The following PLCE1 variants were observed in gnomAD, a reference collection of about 807,000 sequenced individuals.
PLCE1 encodes the protein phospholipase C epsilon 1, also known as 1-phosphatidylinositol 4,5-bisphosphate phosphodiesterase epsilon-1.
In PLCE1, 119 loss-of-function variants were observed where a neutral mutation model predicts 242.8. The ratio of observed to expected loss-of-function variants is 0.49; its 90% confidence interval spans 0.42 to 0.57. The LOEUF (loss-of-function observed/expected upper bound fraction) is 0.57, where lower values mean the gene tolerates loss of function less well. PLCE1 is among the 20% of genes least tolerant of loss of function. The probability of loss-of-function intolerance (pLI) is 0.00; values close to 1 mark genes in which losing one functional copy is unlikely to be tolerated. For synonymous variants in PLCE1, 945 were observed against 1,017.4 expected, an observed-to-expected ratio of 0.93 and a Z score of 1.35; for missense variants, 2,441 against 2,788.8, an observed-to-expected ratio of 0.88 and a Z score of 2.81.
At chr10:94,040,501 T>C (rs943790138) in intron 2 of PLCE1, among the ~76,000 whole-genome samples, 1 of 152,204 alleles carries the variant, frequency 6.6e-6, no homozygotes, top group Non-Finnish European at 1.5e-5. Context: ...ATCACAATAA[T>C]GCACTCCGTT....
intron 18 of PLCE1, among the ~76,000 whole-genome samples, chr10:94,271,306 CTTTTTTTTT>C (rs35048796): frequency 2.7e-5 from 2 of 73,264 alleles, no homozygotes; most frequent in Admixed American, 3.1e-4. Flanking sequence ...AGAAGATCAT[CTTTTTTTTT>C]TTTTTTTTTT....
At position 94,273,487 on chromosome 10, in the gene PLCE1, G is replaced by A. The variant is rs139606947; in HGVS notation, c.4507-75G>A. 5.4e-3 allele frequency: 7,212 copies of A among 1,347,762 alleles called. 30 individuals are homozygous for A. The highest frequency in any genetic ancestry group is 6.8e-3 in the Non-Finnish European group (6,501 of 949,896). 83.5% of individuals were successfully genotyped at this position (1,347,762 alleles called of 1,614,324 possible). ...TCAACCAGTCTAAAATATCTACTAT[G>A]TTTATGAAGTGTACATATATTTATC... On this transcript the variant is annotated intron_variant, in intron 18 of 32. Coordinates refer to ENST00000371380, the MANE Select transcript of PLCE1 (RefSeq NM_016341.4).
At chr10:94,192,595 G>C (rs770468088) in intron 4 of PLCE1, among the ~76,000 whole-genome samples, 20 of 152,160 alleles carry the variant, frequency 1.3e-4, no homozygotes, top group Non-Finnish European at 1.9e-4. Flanking sequence ...TGGGCACCTA[G>C]CTTGATTCCA....
At chr10:94,279,565 T>G in intron 19 of PLCE1, 2 of 585,660 alleles carry the variant, frequency 3.4e-6, no homozygotes, top group Non-Finnish European at 6.1e-6. Flanking sequence ...AGATTGTTTA[T>G]AAAAGCTCCA....
intron 6 of PLCE1, among the ~76,000 whole-genome samples, chr10:94,235,144 C>A (rs1475690084): frequency 2.0e-5 from 3 of 150,972 alleles, no homozygotes; most frequent in Non-Finnish European, 4.4e-5. Context: ...AGACTCTCCT[C>A]AACCTTCAGC....
rs777745144 is a variant in PLCE1, at chr10:94,234,219, G to T, written c.2121G>T (p.Gly707=). 1.2e-6 allele frequency: 2 copies of T among 1,614,004 alleles called. No individual in the cohort carries two copies. The highest frequency in any genetic ancestry group is 2.7e-5 in the African/African-American group (2 of 74,926). The change falls in exon 6 of 33, where the codon GGG becomes GGT. Residue 707 remains glycine, a synonymous_variant. Transcript: ENST00000371380. ...GCTGTAAGGTGGTTCCATTCTGTGG[G>T]GTGTTTCTGAAGGAGCTCTGTGAAG... ...IPGCKVVPFC[G]VFLKELCEVL... is the part of the protein sequence containing the mutation.
chr10:94,206,943 A>G (rs1245597794), intron 4 of PLCE1, among the ~76,000 whole-genome samples: 1 of 152,348 alleles, frequency 6.6e-6, no homozygotes, highest in East Asian at 1.9e-4. Flanking sequence ...CGTACATACA[A>G]TATGTTTAAA....
At chr10:94,299,028 A>C (rs2052942901) in intron 24 of PLCE1, among the ~76,000 whole-genome samples, 1 of 152,196 alleles carries the variant, frequency 6.6e-6, no homozygotes, top group African/African-American at 2.4e-5. Context: ...CTCACTACGC[A>C]GTTGTTCTTG....
intron 2 of PLCE1, among the ~76,000 whole-genome samples, chr10:94,036,492 G>T (rs1271116958): frequency 6.6e-6 from 1 of 152,080 alleles, no homozygotes; most frequent in East Asian, 1.9e-4. Flanking sequence ...TTGCACAGCT[G>T]TGTAGAGAAG....
chr10:94,100,852 G>T (rs1398396486), intron 2 of PLCE1, among the ~76,000 whole-genome samples: 4 of 152,180 alleles, frequency 2.6e-5, no homozygotes, highest in Admixed American at 6.5e-5. Flanking sequence ...GGGCATACAA[G>T]TTTCTGCAGG....
At chr10:94,263,549 A>T (rs1487474625) in intron 14 of PLCE1, among the ~76,000 whole-genome samples, 1 of 150,478 alleles carries the variant, frequency 6.6e-6, no homozygotes, top group Non-Finnish European at 1.5e-5. Flanking sequence ...AAAATCAGCC[A>T]GGCATGGTGG....
At chr10:94,207,247 G>A (rs894656694) in intron 4 of PLCE1, among the ~76,000 whole-genome samples, 3 of 152,204 alleles carry the variant, frequency 2.0e-5, no homozygotes, top group Admixed American at 6.5e-5. Flanking sequence ...TGGAGAAGGG[G>A]ACACACAGCT....
chr10:94,055,887 T>C (rs557452456), intron 2 of PLCE1, among the ~76,000 whole-genome samples: 78 of 152,304 alleles, frequency 5.1e-4, no homozygotes, highest in South Asian at 1.2e-3. Flanking sequence ...GACCTTGCTG[T>C]CATACGCTCA....
intron 4 of PLCE1, among the ~76,000 whole-genome samples, chr10:94,190,776 GAGAGTAAAGT>G (rs2048635461): frequency 1.3e-5 from 2 of 152,266 alleles, no homozygotes. Flanking sequence ...GTTCTAGGAT[GAGAGTAAAGT>G]ATGATCTTTA....
rs1040856592 is a variant in PLCE1, at chr10:94,328,237, G to A, written c.*294G>A. On this transcript the variant is annotated 3_prime_UTR_variant, in exon 33 of 33. Coordinates refer to ENST00000371380, the MANE Select transcript of PLCE1 (RefSeq NM_016341.4). Reference sequence around the variant, plus strand: ...AGAGCAAGGGTCAGCAAGCTTGTCTGTAAAGGGCCAAACAGTAAATATTTT... The same window carrying A: ...AGAGCAAGGGTCAGCAAGCTTGTCTATAAAGGGCCAAACAGTAAATATTTT... 1.5e-5 allele frequency: 4 copies of A among 272,052 alleles called. No individual in the cohort carries two copies. The highest frequency in any genetic ancestry group is 1.5e-5 in the Non-Finnish European group (2 of 129,860). The allele number at this position is 272,052 out of a possible 1,614,324, so 16.9% of individuals were successfully genotyped here. A position where few individuals can be genotyped will look rare whatever the true frequency, so the allele number is the denominator to read the frequency against.
At chr10:94,112,783 T>G (rs4917410) in intron 2 of PLCE1, among the ~76,000 whole-genome samples, 129,782 of 152,096 alleles carry the variant, frequency 0.85, 57,701 homozygotes, top group South Asian at 0.98. Context: ...ATGGAGCTTT[T>G]GTATACCTTA....
In PLCE1 at chr10:94,306,631, A is replaced by G. The variant is rs1245492536; in HGVS notation, c.5827A>G (p.Asn1943Asp). The G allele has an allele frequency of 1.9e-6, 3 of 1,614,190 alleles. No homozygotes were observed. Among genetic ancestry groups the G allele is most frequent in the South Asian group, 1.1e-5 (1 of 91,078 alleles). Reference protein sequence around the residue: ...LVFLRFAVVENNSSAVTAQRI... With the variant: ...LVFLRFAVVEDNSSAVTAQRI... ...ATTTCTTCGTTTTGCAGTTGTGGAA[A>G]ACAATAGTTCAGCGGTAACTGCTCA... The change falls in exon 26 of 33, where the codon AAC becomes GAC. Residue 1943 changes from asparagine (N) to aspartate (D), a missense_variant. Coordinates refer to ENST00000371380, the MANE Select transcript of PLCE1 (RefSeq NM_016341.4). This position sits in a 1 kb window ranked among gnomAD's most constrained non-coding sequence, Gnocchi z 5.7.
At position 94,293,541 on chromosome 10, in the gene PLCE1, G is replaced by C. The variant is rs1335336022; in HGVS notation, c.5069G>C (p.Arg1690Thr). 1 of 1,613,698 alleles carries C rather than the reference G, an allele frequency of 6.2e-7. No homozygotes were observed. Among genetic ancestry groups the C allele is most frequent in the African/African-American group, 1.3e-5 (1 of 74,904 alleles). Residue 1690 changes from arginine to threonine, a missense_variant, in exon 23 of 33, where the codon AGA becomes ACA. Arg to Thr is a moderately conservative substitution (Grantham distance 71). Transcript: ENST00000371380. ...LSTLNASGSS[R>T]GKERKSRKSI... is the part of the protein sequence containing the mutation. ...ACTCTAAATGCATCTGGCTCTAGCA[G>C]AGGAAAAGAAAGGAAAAGCAGGAAG...
chr10:94,277,518 C>T (rs1318821648), intron 19 of PLCE1, among the ~76,000 whole-genome samples: 1 of 152,180 alleles, frequency 6.6e-6, no homozygotes, highest in African/African-American at 2.4e-5. Flanking sequence ...CTTGGCACTC[C>T]ACTTTCAGAC....
Sources: gnomAD v4.1 joint callset for allele counts (sites outside exome capture counted in the v4.1 genomes callset) on GRCh38, gnomAD v4.1.1 for gene constraint, Gnocchi (gnomAD v3.1) non-coding constraint, MANE v1.5 for transcripts, NCBI Gene and HGNC (gene_info 2026-07-23, HGNC 2026-07-21) for gene names.